Variants in SHISA6 observed in about 807,000 individuals in gnomAD.
The protein encoded by SHISA6 is protein shisa-6.
In SHISA6, 22 loss-of-function variants were observed where a neutral mutation model predicts 47.9. The observed-to-expected ratio is 0.46, with a 90% CI of 0.33 to 0.66. SHISA6 has a LOEUF of 0.66. Ranked by LOEUF, SHISA6 falls within the 30% of genes least tolerant of loss-of-function variation. The pLI, the probability that SHISA6 is intolerant of heterozygous loss-of-function variation, is 0.02. For synonymous variants in SHISA6, 388 were observed against 337.8 expected (o/e 1.15, Z -1.63); for missense variants, 680 against 764.6 (o/e 0.89, Z 1.30).
chr17:11,430,437 T>A (rs570222760), intron 3 of SHISA6, among the ~76,000 whole-genome samples: 2 of 152,312 alleles, frequency 1.3e-5, no homozygotes, highest in African/African-American at 4.8e-5. Flanking sequence ...GATGCTCCCA[T>A]CCTGCCTTCT....
At chr17:11,442,935 G>A (rs918798753) in intron 3 of SHISA6, among the ~76,000 whole-genome samples, 10 of 152,184 alleles carry the variant, frequency 6.6e-5, no homozygotes, top group Admixed American at 1.3e-4. Flanking sequence ...CAGAGCTCAG[G>A]CAAGGAGGGA....
chr17:11,248,038 T>C (rs1487426480), intron 1 of SHISA6, among the ~76,000 whole-genome samples: 1 of 152,100 alleles, frequency 6.6e-6, no homozygotes, highest in Non-Finnish European at 1.5e-5. Context: ...CCTCCCAAAG[T>C]GCTGGGATTA....
intron 1 of SHISA6, among the ~76,000 whole-genome samples, chr17:11,249,881 G>A (rs1022250396): frequency 2.6e-5 from 4 of 152,214 alleles, no homozygotes; most frequent in South Asian, 2.1e-4. Context: ...GAAGGCAGGA[G>A]CCCAGAAGAG....
At chr17:11,377,475 C>T (rs1485465384) in intron 2 of SHISA6, among the ~76,000 whole-genome samples, 2 of 152,192 alleles carry the variant, frequency 1.3e-5, no homozygotes, top group East Asian at 1.9e-4. Flanking sequence ...GCATCCGCAT[C>T]ACCAGGAGAC....
chr17:11,466,500 T>C (rs1915813353), intron 3 of SHISA6, among the ~76,000 whole-genome samples: 1 of 152,150 alleles, frequency 6.6e-6, no homozygotes, highest in Non-Finnish European at 1.5e-5. Flanking sequence ...ATTCACACAC[T>C]TCAGGGACAT....
chr17:11,544,026 A>G (rs2071858896), intron 3 of SHISA6, among the ~76,000 whole-genome samples: 1 of 151,686 alleles, frequency 6.6e-6, no homozygotes, highest in African/African-American at 2.4e-5. Flanking sequence ...AAAAAAAAAA[A>G]GAACTTCAAC....
intron 3 of SHISA6, among the ~76,000 whole-genome samples, chr17:11,550,745 C>T (rs1597582546): frequency 6.6e-6 from 1 of 152,084 alleles, no homozygotes; most frequent in African/African-American, 2.4e-5. Context: ...AAAATCTAAC[C>T]CTACAGATCA....
chr17:11,483,829 G>A (rs1264028436), intron 3 of SHISA6, among the ~76,000 whole-genome samples: 7 of 152,090 alleles, frequency 4.6e-5, no homozygotes, highest in East Asian at 1.9e-4. Context: ...GGTGGTGTGC[G>A]CCTGTAATCC....
intron 2 of SHISA6, among the ~76,000 whole-genome samples, chr17:11,275,807 T>C (rs1337256669): frequency 1.3e-5 from 2 of 152,046 alleles, no homozygotes; most frequent in Non-Finnish European, 2.9e-5. Context: ...TAGAGACATG[T>C]TAAGGGCTAG....
At chr17:11,442,193 T>C (rs1915111969) in intron 3 of SHISA6, among the ~76,000 whole-genome samples, 1 of 152,234 alleles carries the variant, frequency 6.6e-6, no homozygotes, top group Non-Finnish European at 1.5e-5. Flanking sequence ...TGGTTGTCCC[T>C]GTTTTGTAGC....
chr17:11,500,296 GC>G (rs1394422385), intron 3 of SHISA6, among the ~76,000 whole-genome samples: 1 of 152,158 alleles, frequency 6.6e-6, no homozygotes, highest in Non-Finnish European at 1.5e-5. Flanking sequence ...GCGTCGTGGT[GC>G]CCCAGAATGT....
chr17:11,244,771 A>T (rs1423710336), intron 1 of SHISA6, among the ~76,000 whole-genome samples: 1 of 152,228 alleles, frequency 6.6e-6, no homozygotes, highest in Non-Finnish European at 1.5e-5. Context: ...GAAATAGCTC[A>T]GCAAAGATGT....
chr17:11,368,396 A>G (rs1411857564), intron 2 of SHISA6, among the ~76,000 whole-genome samples: 1 of 152,212 alleles, frequency 6.6e-6, no homozygotes, highest in Non-Finnish European at 1.5e-5. Flanking sequence ...CCATGACATT[A>G]CCAGCATGAA....
At chr17:11,348,098 C>T (rs957127131) in intron 2 of SHISA6, among the ~76,000 whole-genome samples, 5 of 152,138 alleles carry the variant, frequency 3.3e-5, no homozygotes, top group Non-Finnish European at 7.4e-5. Flanking sequence ...AGAAATATGT[C>T]CTAGCTGAAT....
chr17:11,274,429 G>A (rs1908799622), intron 2 of SHISA6, among the ~76,000 whole-genome samples: 2 of 152,236 alleles, frequency 1.3e-5, no homozygotes, highest in Admixed American at 1.3e-4. Flanking sequence ...GCAGTGACAG[G>A]AGCGAGAGGG....
rs2072063976 is a variant in SHISA6, at chr17:11,563,420, G to A, written c.*5116G>A. On this transcript the variant is annotated 3_prime_UTR_variant, in exon 6 of 6. Transcript: ENST00000441885. Reference sequence around the variant, plus strand: ...GGTGAAGGCTTGTGAAGCAAGAATGGAGAGTCCAAGTTTGTGATATTCAAA... The same window carrying A: ...GGTGAAGGCTTGTGAAGCAAGAATGAAGAGTCCAAGTTTGTGATATTCAAA... 1 of 152,222 alleles carries A rather than the reference G, an allele frequency of 6.6e-6. No homozygotes were observed. The highest frequency in any genetic ancestry group is 1.5e-5 in the Non-Finnish European group (1 of 68,058). 9.4% of individuals were successfully genotyped at this position (152,222 alleles called of 1,614,324 possible).
At chr17:11,406,238 C>T (rs1913955375) in intron 3 of SHISA6, among the ~76,000 whole-genome samples, 1 of 152,128 alleles carries the variant, frequency 6.6e-6, no homozygotes. Flanking sequence ...TCACACATCC[C>T]CTCTATCTTC....
rs1453987104 is a variant in SHISA6, at chr17:11,560,393, C to T, written c.*2089C>T. On this transcript the variant is annotated 3_prime_UTR_variant, in exon 6 of 6. Coordinates refer to ENST00000441885, the MANE Select transcript of SHISA6 (RefSeq NM_207386.4). ...CACATAAACCTTCTTAAGGGCTGGT[C>T]CCCAGGGGTTTATAAGAGTTTGTTC... 1.3e-5 allele frequency: 2 copies of T among 152,310 alleles called. No individual in the cohort carries two copies. The highest frequency in any genetic ancestry group is 2.4e-5 in the African/African-American group (1 of 41,434). The allele number at this position is 152,310 out of a possible 1,614,324, so 9.4% of individuals were successfully genotyped here.
At chr17:11,325,031 A>G (rs554352203) in intron 2 of SHISA6, among the ~76,000 whole-genome samples, 1 of 152,044 alleles carries the variant, frequency 6.6e-6, no homozygotes, top group African/African-American at 2.4e-5. Context: ...TCTGGCTCCA[A>G]TTTCTTACCC....
Sources: allele counts gnomAD v4.1 joint callset (sites outside exome capture counted in the v4.1 genomes callset), GRCh38; gene constraint gnomAD v4.1.1; transcripts MANE v1.5; gene names NCBI Gene and HGNC (gene_info 2026-07-23, HGNC 2026-07-21).